Variants in GTF2H3 observed in about 807,000 individuals in gnomAD.
GTF2H3 encodes general transcription factor IIH subunit 3.
GTF2H3 carries 42 observed loss-of-function variants against 51.1 expected under a neutral mutation model. The observed-to-expected ratio is 0.82, with a 90% CI of 0.64 to 1.06. GTF2H3 has a LOEUF of 1.06. GTF2H3 is among the 50% of genes least tolerant of loss of function. The pLI is 0.00. For synonymous variants in GTF2H3, 123 were observed against 123.8 expected, an observed-to-expected ratio of 0.99 and a Z score of 0.04; for missense variants, 326 against 366.1, an observed-to-expected ratio of 0.89 and a Z score of 0.89.
rs1955533645 is a variant in GTF2H3, at chr12:123,652,689, G to C, written c.458-18G>C. On this transcript the variant is annotated intron_variant, in intron 6 of 12. Coordinates refer to ENST00000543341, the MANE Select transcript of GTF2H3 (RefSeq NM_001516.5). ...GTAAGATTTAGTTAAATTTTTTTCT[G>C]CTTTTTTCTCTTTGTAGACAATCAG... 1 of 1,534,912 alleles carries C rather than the reference G, an allele frequency of 6.5e-7. No individual in the cohort carries two copies. The highest frequency in any genetic ancestry group is 8.9e-7 in the Non-Finnish European group (1 of 1,128,856).
intron 1 of GTF2H3, 98 bp from the exon 2 acceptor site, chr12:123,639,166 G>A (rs933923564): frequency 3.1e-5 from 21 of 682,774 alleles, no homozygotes; most frequent in Non-Finnish European, 4.8e-5. Flanking sequence ...AAGGCATATA[G>A]TGGTGCTCTG....
intron 10 of GTF2H3, 58 bp downstream of exon 10, chr12:123,659,642 T>C (rs11573004): frequency 1.9e-6 from 3 of 1,562,134 alleles, no homozygotes; most frequent in Non-Finnish European, 2.6e-6. Context: ...CTCTGTGTCC[T>C]GGGAAAGGAA....
At chr12:123,653,490 T>C (rs967181572) in intron 7 of GTF2H3, among the ~76,000 whole-genome samples, 4 of 151,830 alleles carry the variant, frequency 2.6e-5, no homozygotes, top group Non-Finnish European at 5.9e-5. Context: ...TGAAACCCCG[T>C]CTCTAGTACA....
At chr12:123,636,309 T>C (rs1955282520) in intron 1 of GTF2H3, among the ~76,000 whole-genome samples, 1 of 152,136 alleles carries the variant, frequency 6.6e-6, no homozygotes, top group South Asian at 2.1e-4. Context: ...TGCTCTGAGA[T>C]AGGGGAGTCA....
At chr12:123,648,191 A>T (rs1379506721) in intron 4 of GTF2H3, 65 bp downstream of exon 4, 8 of 1,072,592 alleles carry the variant, frequency 7.5e-6, no homozygotes, top group Non-Finnish European at 1.1e-5. Context: ...TTAGGCTTTA[A>T]GTTCAAAGAT....
intron 2 of GTF2H3, among the ~76,000 whole-genome samples, chr12:123,642,148 C>T (rs972388136): frequency 6.6e-6 from 1 of 151,516 alleles, no homozygotes; most frequent in Admixed American, 6.6e-5. Context: ...GCCACTGCAC[C>T]CAGCCTTCAG....
At chr12:123,653,522 G>A (rs747109412) in intron 7 of GTF2H3, among the ~76,000 whole-genome samples, 2 of 151,902 alleles carry the variant, frequency 1.3e-5, no homozygotes, top group South Asian at 2.1e-4. Context: ...TGTCGTGGGC[G>A]CCTGTAGTCC....
At chr12:123,660,025 C>CTTT in intron 11 of GTF2H3, 21 bp from the exon 12 acceptor site, 1 of 1,240,194 alleles carries the variant, frequency 8.1e-7, no homozygotes, top group Admixed American at 2.2e-5. Context: ...CCTATTGTTT[C>CTTT]TTTTTTTTTT....
chr12:123,659,154 G>C (rs1466585736), intron 9 of GTF2H3, among the ~76,000 whole-genome samples: 1 of 152,134 alleles, frequency 6.6e-6, no homozygotes, highest in Admixed American at 6.5e-5. Context: ...GAACTTCCTC[G>C]AAAAGTTAAG....
Position 123,633,853 on chromosome 12 carries a change from G to A in GTF2H3, c.-7G>A. ...CACTTGCTCTGCGCTGAGGTGCTGG[G>A]ACAGCCATGGTTTCAGACGGTGAGG... On this transcript the variant is annotated 5_prime_UTR_variant, in exon 1 of 13. Coordinates refer to ENST00000543341, the MANE Select transcript of GTF2H3 (RefSeq NM_001516.5). The A allele has an allele frequency of 6.2e-7, 1 of 1,613,276 alleles. No homozygotes were observed. The highest frequency in any genetic ancestry group is 8.5e-7 in the Non-Finnish European group (1 of 1,180,010).
intron 9 of GTF2H3, among the ~76,000 whole-genome samples, chr12:123,658,287 C>A (rs187229506): frequency 6.6e-6 from 1 of 152,020 alleles, no homozygotes; most frequent in Non-Finnish European, 1.5e-5. Flanking sequence ...GGTACGATCT[C>A]GGTGCACTGA....
intron 2 of GTF2H3, among the ~76,000 whole-genome samples, chr12:123,642,878 C>CT (rs1205962130): frequency 1.3e-5 from 2 of 151,480 alleles, no homozygotes; most frequent in Admixed American, 6.6e-5. Flanking sequence ...AAACCATACT[C>CT]TTTTTTCTTT....
chr12:123,643,874 A>G (rs1183615043), intron 2 of GTF2H3, among the ~76,000 whole-genome samples: 1 of 152,154 alleles, frequency 6.6e-6, no homozygotes, highest in Non-Finnish European at 1.5e-5. Flanking sequence ...TTTGTCACCC[A>G]GGCTAGAGTG....
intron 1 of GTF2H3, among the ~76,000 whole-genome samples, chr12:123,636,591 C>A (rs923889077): frequency 6.6e-6 from 1 of 151,892 alleles, no homozygotes; most frequent in Non-Finnish European, 1.5e-5. Flanking sequence ...GCCTAGGCAA[C>A]AAAGTGAGAC....
At chr12:123,650,412 C>T (rs1017776534) in intron 4 of GTF2H3, 7 of 152,668 alleles carry the variant, frequency 4.6e-5, no homozygotes, top group African/African-American at 9.7e-5. Flanking sequence ...GCCTTGTACC[C>T]TGTCCAGGCT....
At chr12:123,639,679 C>G (rs879497346) in intron 2 of GTF2H3, among the ~76,000 whole-genome samples, 6 of 151,978 alleles carry the variant, frequency 3.9e-5, no homozygotes, top group Non-Finnish European at 7.4e-5. Context: ...AATATGTGGT[C>G]TTAAAAAATA....
intron 2 of GTF2H3, among the ~76,000 whole-genome samples, chr12:123,644,673 A>AG (rs1339172112): frequency 6.6e-6 from 1 of 152,128 alleles, no homozygotes; most frequent in East Asian, 1.9e-4. Context: ...TCAAAAAAAA[A>AG]AAAAAGTTTT....
intron 9 of GTF2H3, chr12:123,659,288 A>AC (rs1389456360): frequency 2.1e-6 from 1 of 476,386 alleles, no homozygotes; most frequent in African/African-American, 2.0e-5. Context: ...AATCACTTGA[A>AC]CCCAGGAGGC....
chr12:123,645,557 G>T lies in GTF2H3; in HGVS notation c.196G>T (p.Glu66Ter). Residue 66 changes from glutamate to a stop codon, truncating the protein, a stop_gained, in exon 3 of 13, where the codon GAA becomes TAA. Transcript: ENST00000543341. LOFTEE classifies it high-confidence loss of function. ...KLAVIASHIQESRFLYPGKNG... is the reference protein window; with the variant it reads ...KLAVIASHIQ ...TGCTGTGATAGCAAGTCACATTCAAGAAAGGTATGACCATTGTGATTGCTT... is the reference window on the plus strand; with the variant it reads ...TGCTGTGATAGCAAGTCACATTCAATAAAGGTATGACCATTGTGATTGCTT... 6.6e-7 allele frequency: 1 copy of T among 1,523,094 alleles called. No homozygotes were observed. Among genetic ancestry groups the T allele is most frequent in the Non-Finnish European group, 9.1e-7 (1 of 1,097,120 alleles). 94.3% of individuals were successfully genotyped at this position (1,523,094 alleles called of 1,614,324 possible).
Sources: gnomAD v4.1 joint callset for allele counts (sites outside exome capture counted in the v4.1 genomes callset) on GRCh38, gnomAD v4.1.1 for gene constraint, MANE v1.5 for transcripts, NCBI Gene and HGNC (gene_info 2026-07-23, HGNC 2026-07-21) for gene names.